Variants in GRIA3 observed in about 807,000 individuals in gnomAD.
The protein encoded by GRIA3 is glutamate receptor 3.
In GRIA3, 3 loss-of-function variants were observed where a neutral mutation model predicts 63.0. The observed-to-expected ratio is 0.05, with a 90% confidence interval of 0.02 to 0.12. The LOEUF (loss-of-function observed/expected upper bound fraction) is 0.12. Among genes scored for constraint, GRIA3 ranks in the 10% least tolerant of loss-of-function variants. GRIA3 has a pLI of 1.00. For missense variants in GRIA3, 347 were observed against 700.9 expected, an observed-to-expected ratio of 0.50 and a Z score of 5.70; for synonymous variants, 274 against 257.9, an observed-to-expected ratio of 1.06 and a Z score of -0.60.
chrX:123,260,842 TA>T (rs2044456010), intron 3 of GRIA3, among the ~76,000 whole-genome samples: 1 of 110,923 alleles, frequency 9.0e-6, no homozygotes, highest in African/African-American at 3.3e-5. Flanking sequence ...ACAGCCTGCC[TA>T]ATCTATTGTG....
At chrX:123,245,307 G>C (rs932079157) in intron 2 of GRIA3, among the ~76,000 whole-genome samples, 2 of 111,546 alleles carry the variant, frequency 1.8e-5, no homozygotes, top group Non-Finnish European at 3.8e-5. Flanking sequence ...AGGGCCTCTG[G>C]GTGAGGCTGT....
At chrX:123,371,882 G>A (rs1159177146) in intron 5 of GRIA3, among the ~76,000 whole-genome samples, 3 of 110,873 alleles carry the variant, frequency 2.7e-5, no homozygotes, top group African/African-American at 9.8e-5. Context: ...TTAACTTAAT[G>A]TGATCCCATT....
At chrX:123,243,660 T>C (rs1436589014) in intron 2 of GRIA3, among the ~76,000 whole-genome samples, 1 of 112,125 alleles carries the variant, frequency 8.9e-6, no homozygotes, top group Non-Finnish European at 1.9e-5. Flanking sequence ...AATCACACAT[T>C]GGTATGATTA....
At chrX:123,185,059 G>A (rs1252307915) in intron 1 of GRIA3, 1 of 325,591 alleles carries the variant, frequency 3.1e-6, no homozygotes, top group Non-Finnish European at 6.0e-6. Context: ...CCGCGCCAGG[G>A]CGCATAACCC....
chrX:123,405,274 T>G (rs1431091526), intron 10 of GRIA3, among the ~76,000 whole-genome samples: 2 of 111,959 alleles, frequency 1.8e-5, no homozygotes, highest in African/African-American at 6.5e-5. Flanking sequence ...TCATCTTTCC[T>G]CATTGTTCCC....
At chrX:123,278,086 G>A (rs967837388) in intron 3 of GRIA3, among the ~76,000 whole-genome samples, 14 of 112,053 alleles carry the variant, frequency 1.2e-4, no homozygotes, top group Admixed American at 2.8e-4. Context: ...ACGTTTCAAC[G>A]ATCACAGATA....
At chrX:123,204,956 A>C (rs1327979813) in intron 2 of GRIA3, among the ~76,000 whole-genome samples, 1 of 111,756 alleles carries the variant, frequency 8.9e-6, no homozygotes, top group Admixed American at 9.5e-5. Context: ...TTAAGAGTTT[A>C]GTGGATCAGG....
chrX:123,238,162 C>T (rs1209048022), intron 2 of GRIA3, among the ~76,000 whole-genome samples: 3 of 111,834 alleles, frequency 2.7e-5, no homozygotes, highest in East Asian at 5.7e-4. Context: ...GCTCATGTTT[C>T]TGTGGGAAGA....
chrX:123,293,090 C>T (rs2044665456), intron 3 of GRIA3, among the ~76,000 whole-genome samples: 1 of 110,045 alleles, frequency 9.1e-6, no homozygotes, highest in Admixed American at 9.8e-5. Context: ...AGAATCCAAG[C>T]AGAACTCAGT....
chrX:123,325,921 A>G, intron 3 of GRIA3, 105 bp from the exon 4 acceptor site: 1 of 657,890 alleles, frequency 1.5e-6, no homozygotes, highest in Admixed American at 2.6e-5. Context: ...TCCATAATGG[A>G]TAAGGTTCAA....
chrX:123,200,971 G>T (rs952092503), intron 2 of GRIA3, among the ~76,000 whole-genome samples: 21 of 111,694 alleles, frequency 1.9e-4, no homozygotes, highest in African/African-American at 6.2e-4. Context: ...CTTTCTTGTT[G>T]TATAGCCTTG....
intron 5 of GRIA3, among the ~76,000 whole-genome samples, chrX:123,394,668 A>C (rs1021692834): frequency 8.9e-6 from 1 of 112,539 alleles, no homozygotes; most frequent in African/African-American, 3.2e-5. Flanking sequence ...AAGACTAAAA[A>C]TACAGGTAAA....
rs923535833 is a variant in GRIA3 at position 123,471,945 on chromosome X, T to C, written c.2324+6833T>C. Among the ~76,000 whole-genome samples, 8 of 88,514 alleles carry C rather than the reference T, an allele frequency of 9.0e-5. No individual in the cohort carries two copies. The East Asian group carries it at 1.1e-3, about 12-fold the overall frequency. The allele number at this position is 88,514 out of a possible 115,157, so 76.9% of individuals were successfully genotyped here. ...CCTTTTTGCCTAATTTCATCTAGCATTGAAGCAAATGTTTTTCAAAATATA... is the reference window on the plus strand; with the variant it reads ...CCTTTTTGCCTAATTTCATCTAGCACTGAAGCAAATGTTTTTCAAAATATA... On this transcript the variant is annotated intron_variant, in intron 13 of 15. Coordinates refer to ENST00000620443, the MANE Select transcript of GRIA3 (RefSeq NM_007325.5).
chrX:123,434,036 G>A (rs1302264217), intron 12 of GRIA3, among the ~76,000 whole-genome samples: 1 of 111,801 alleles, frequency 8.9e-6, no homozygotes, highest in Non-Finnish European at 1.9e-5. Flanking sequence ...ATTTTCAACT[G>A]GGTCTACATT....
At chrX:123,429,748 T>C (rs1031087650) in intron 12 of GRIA3, among the ~76,000 whole-genome samples, 2 of 112,122 alleles carry the variant, frequency 1.8e-5, no homozygotes, top group African/African-American at 6.5e-5. Context: ...CACCAGAAGC[T>C]TCTATATGAA....
chrX:123,186,811 T>G (rs1259803474), intron 2 of GRIA3, among the ~76,000 whole-genome samples: 1 of 111,446 alleles, frequency 9.0e-6, no homozygotes, highest in Non-Finnish European at 1.9e-5. Flanking sequence ...AAACTGAATA[T>G]GGAAAGAGAA....
chrX:123,211,416 G>A (rs1471289370), intron 2 of GRIA3, among the ~76,000 whole-genome samples: 1 of 111,679 alleles, frequency 9.0e-6, no homozygotes, highest in East Asian at 2.8e-4. Context: ...TGTCAGTAAT[G>A]AGAAGGTCAG....
chrX:123,306,189 C>T (rs2044753722), intron 3 of GRIA3, among the ~76,000 whole-genome samples: 2 of 111,761 alleles, frequency 1.8e-5, no homozygotes, highest in Admixed American at 9.5e-5. Context: ...GGCTTATTGG[C>T]CAGTTTGATC....
At chrX:123,481,220 T>G (rs956523524) in intron 14 of GRIA3, among the ~76,000 whole-genome samples, 2 of 112,050 alleles carry the variant, frequency 1.8e-5, no homozygotes, top group African/African-American at 6.5e-5. Flanking sequence ...CAGAAATTGG[T>G]CTATTTCCCA....
Sources: allele counts gnomAD v4.1 joint callset (sites outside exome capture counted in the v4.1 genomes callset), GRCh38; gene constraint gnomAD v4.1.1; transcripts MANE v1.5; gene names NCBI Gene and HGNC (gene_info 2026-07-23, HGNC 2026-07-21).